KIAA1217: variants seen among roughly 807,000 people sequenced by gnomAD.
KIAA1217 encodes the protein sickle tail protein homolog.
In KIAA1217, 88 loss-of-function variants were observed where a neutral mutation model predicts 163.9. The ratio of observed to expected loss-of-function variants is 0.54; its 90% CI spans 0.45 to 0.64. The LOEUF (loss-of-function observed/expected upper bound fraction) is 0.64. Ranked by LOEUF, KIAA1217 falls within the 30% of genes least tolerant of loss-of-function variation. The pLI is 0.00. For missense variants in KIAA1217, 2,372 were observed against 2,475.0 expected (o/e 0.96, Z 0.88); for synonymous variants, 903 against 923.1 (o/e 0.98, Z 0.39).
chr10:24,449,507 C>T lies in KIAA1217; in HGVS notation c.846+11028C>T, dbSNP rs373030660. Reference sequence around the variant, plus strand: ...CTGATTTCCGGGACAGGAAAAATGCCTTCCTACTCAGAATTAACTTTCATA... The same window carrying T: ...CTGATTTCCGGGACAGGAAAAATGCTTTCCTACTCAGAATTAACTTTCATA... On this transcript the variant is annotated intron_variant, in intron 5 of 20. Transcript: ENST00000376454. 28 of 985,262 alleles carry T rather than the reference C, an allele frequency of 2.8e-5. No individual in the cohort carries two copies. In the Admixed American group the frequency reaches 4.3e-4, roughly 15 times the overall value. The allele number at this position is 985,262 out of a possible 1,614,324, so 61.0% of individuals were successfully genotyped here. A position where few individuals can be genotyped will look rare whatever the true frequency, so the allele number is the denominator to read the frequency against.
At chr10:23,964,295 T>G (rs936868170) in intron 1 of KIAA1217, among the ~76,000 whole-genome samples, 3 of 120,430 alleles carry the variant, frequency 2.5e-5, no homozygotes, top group Non-Finnish European at 3.2e-5. Context: ...GATGGGGTTG[T>G]TTTTTTTTTT....
intron 1 of KIAA1217, among the ~76,000 whole-genome samples, chr10:23,733,098 T>C (rs1838567755): frequency 6.6e-6 from 1 of 151,964 alleles, no homozygotes; most frequent in Admixed American, 6.6e-5. Context: ...ACAGCACCAT[T>C]CACCTCCCAG....
chr10:23,789,954 TATATACAC>T (rs1835670685), intron 1 of KIAA1217, among the ~76,000 whole-genome samples: 2 of 135,238 alleles, frequency 1.5e-5, no homozygotes, highest in Non-Finnish European at 3.1e-5. Flanking sequence ...TATACATGTA[TATATACAC>T]ATATACATAT....
chr10:24,469,537 A>C (rs1564737632), intron 5 of KIAA1217, among the ~76,000 whole-genome samples: 1 of 152,214 alleles, frequency 6.6e-6, no homozygotes, highest in Admixed American at 6.5e-5. Context: ...TGGCTAAGGA[A>C]GGAAAAGAGA....
At chr10:24,263,171 C>A (rs1180305247) in intron 2 of KIAA1217, among the ~76,000 whole-genome samples, 1 of 152,094 alleles carries the variant, frequency 6.6e-6, no homozygotes, top group Non-Finnish European at 1.5e-5. Context: ...GGGCTTCATG[C>A]GCATTTCTCT....
chr10:24,143,975 A>G (rs2064197006), intron 2 of KIAA1217, among the ~76,000 whole-genome samples: 1 of 152,214 alleles, frequency 6.6e-6, no homozygotes, highest in South Asian at 2.1e-4. Context: ...ATTTAGGGTT[A>G]AGTCTGTAAC....
intron 2 of KIAA1217, among the ~76,000 whole-genome samples, chr10:24,152,013 T>A (rs899408443): frequency 1.3e-5 from 2 of 152,138 alleles, no homozygotes; most frequent in Admixed American, 1.3e-4. Flanking sequence ...GTAGTTAAGT[T>A]TTGTGACCAT....
At chr10:24,410,793 G>A (rs773847400) in intron 3 of KIAA1217, among the ~76,000 whole-genome samples, 3 of 152,184 alleles carry the variant, frequency 2.0e-5, no homozygotes, top group Non-Finnish European at 2.9e-5. Flanking sequence ...AAACTGGATT[G>A]CCCTTGCATT....
intron 1 of KIAA1217, among the ~76,000 whole-genome samples, chr10:23,919,256 A>G (rs1842752956): frequency 6.6e-6 from 1 of 151,468 alleles, no homozygotes; most frequent in Non-Finnish European, 1.5e-5. Context: ...TAAGTTATTT[A>G]TTTCTCTTGG....
intron 6 of KIAA1217, among the ~76,000 whole-genome samples, chr10:24,484,241 A>ATATATATATATATTTTTTTTTTTTTTTT (rs1376083298): frequency 1.3e-5 from 1 of 75,154 alleles, no homozygotes; most frequent in Non-Finnish European, 2.5e-5. Flanking sequence ...ATATATATAT[A>ATATATATATATATTTTTTTTTTTTTTTT]TTTTTTTTTT....
chr10:23,889,381 T>C (rs2000381), intron 1 of KIAA1217, among the ~76,000 whole-genome samples: 1,573 of 152,028 alleles, frequency 0.01, 30 homozygotes, highest in African/African-American at 0.036. Flanking sequence ...TTAACTTGGA[T>C]TTCCTGATCA....
chr10:23,800,038 G>A (rs535387576), intron 1 of KIAA1217, among the ~76,000 whole-genome samples: 3 of 152,120 alleles, frequency 2.0e-5, no homozygotes, highest in African/African-American at 7.2e-5. Flanking sequence ...GTCACCACTG[G>A]GTATCTTAGA....
At chr10:24,298,341 T>A (rs1168720412) in intron 2 of KIAA1217, among the ~76,000 whole-genome samples, 1 of 152,176 alleles carries the variant, frequency 6.6e-6, no homozygotes, top group Non-Finnish European at 1.5e-5. Context: ...TTTTTAAATC[T>A]ATGTGACTAA....
Position 24,370,441 on chromosome 10 carries a change from A to G in KIAA1217, c.355-10428A>G, listed in dbSNP as rs573542095. Among the ~76,000 whole-genome samples, 20 of 152,316 alleles carry G rather than the reference A, an allele frequency of 1.3e-4. 2 individuals are homozygous for G. The South Asian group carries it at 3.5e-3, about 27-fold the overall frequency. Reference sequence around the variant, plus strand: ...ATGATATTTTACATATGACAAGGTAATACTTATTAATCCTTCAGGAAGCAA... The same window carrying G: ...ATGATATTTTACATATGACAAGGTAGTACTTATTAATCCTTCAGGAAGCAA... On this transcript the variant is annotated intron_variant, in intron 2 of 20. Coordinates refer to ENST00000376454, the MANE Select transcript of KIAA1217 (RefSeq NM_019590.5).
chr10:24,453,281 C>T (rs2061522812), intron 5 of KIAA1217, among the ~76,000 whole-genome samples: 1 of 152,098 alleles, frequency 6.6e-6, no homozygotes, highest in African/African-American at 2.4e-5. Flanking sequence ...TATTTGACTT[C>T]TCTTAGCCAT....
intron 2 of KIAA1217, among the ~76,000 whole-genome samples, chr10:24,264,776 T>C (rs2076057006): frequency 7.1e-6 from 1 of 141,066 alleles, no homozygotes; most frequent in African/African-American, 3.0e-5. Context: ...TCTCTCTCTC[T>C]CTCTCTCTCT....
At chr10:23,833,826 G>A (rs1166691303) in intron 1 of KIAA1217, among the ~76,000 whole-genome samples, 1 of 151,822 alleles carries the variant, frequency 6.6e-6, no homozygotes, top group Non-Finnish European at 1.5e-5. Context: ...TAACCTCTCA[G>A]TCTGTGCCCT....
intron 2 of KIAA1217, among the ~76,000 whole-genome samples, chr10:24,036,996 G>A (rs769044098): frequency 1.3e-5 from 2 of 152,302 alleles, no homozygotes; most frequent in Middle Eastern, 3.4e-3. Flanking sequence ...CAGTGAAATC[G>A]TGAGACTCAG....
chr10:24,507,706 A>T (rs1467705700), intron 9 of KIAA1217, among the ~76,000 whole-genome samples: 1 of 152,210 alleles, frequency 6.6e-6, no homozygotes. Flanking sequence ...TAATGACTGA[A>T]TTTTTTCCAA....
Sources: gnomAD v4.1 joint callset for allele counts (sites outside exome capture counted in the v4.1 genomes callset) on GRCh38, gnomAD v4.1.1 for gene constraint, MANE v1.5 for transcripts, NCBI Gene and HGNC (gene_info 2026-07-23, HGNC 2026-07-21) for gene names.